The following TTC39B variants were observed in gnomAD, a reference collection of about 807,000 sequenced individuals.
TTC39B encodes tetratricopeptide repeat protein 39B.
TTC39B carries 92 observed loss-of-function variants against 96.6 expected under a neutral mutation model. The ratio of observed to expected loss-of-function variants is 0.95; its 90% CI spans 0.80 to 1.13. The LOEUF is 1.13. Among genes scored for constraint, TTC39B ranks in the 50% most tolerant of loss-of-function variants. The probability of loss-of-function intolerance (pLI) is 0.00; values close to 1 mark genes in which losing one functional copy is unlikely to be tolerated. For synonymous variants in TTC39B, 367 were observed against 299.4 expected, an observed-to-expected ratio of 1.23 and a Z score of -2.33; for missense variants, 955 against 809.3, an observed-to-expected ratio of 1.18 and a Z score of -2.18.
At chr9:15,257,600 C>T (rs1349557205) in intron 2 of TTC39B, among the ~76,000 whole-genome samples, 1 of 152,088 alleles carries the variant, frequency 6.6e-6, no homozygotes, top group African/African-American at 2.4e-5. Flanking sequence ...AGATGTGTCA[C>T]CACACCTGGC....
intron 4 of TTC39B, among the ~76,000 whole-genome samples, chr9:15,211,710 C>A (rs1002022474): frequency 1.9e-4 from 29 of 152,172 alleles, no homozygotes; most frequent in Non-Finnish European, 7.3e-5. Context: ...GGGCAGCACA[C>A]GGCCTTTGGC....
At chr9:15,290,098 A>C (rs529965734) in intron 1 of TTC39B, among the ~76,000 whole-genome samples, 3 of 152,160 alleles carry the variant, frequency 2.0e-5, no homozygotes, top group African/African-American at 7.2e-5. Flanking sequence ...TCTCCTGGTG[A>C]TTTTTAATTT....
chr9:15,177,805 C>G, exon 18 of TTC39B: 1 of 1,591,840 alleles, frequency 6.3e-7, no homozygotes, highest in Non-Finnish European at 8.5e-7. Context: ...CACAGAGAAG[C>G]TGTTAAAATC....
chr9:15,226,230 CA>C lies in TTC39B; in HGVS notation c.276-219del. On this transcript the variant is annotated intron_variant, in intron 2 of 19. Coordinates refer to ENST00000512701, the Ensembl canonical transcript of TTC39B. ...AACTTTATTTTTTCATTCTAGTACA[CA>C]AAAAATAAGTTAACTGAAATTACTC... is the stretch of plus-strand genomic sequence containing the variant. 2.0e-5 allele frequency among the ~76,000 whole-genome samples: 3 copies of C among 152,168 alleles called. No homozygotes were observed. In the South Asian group the frequency reaches 6.2e-4, roughly 32 times the overall value.
chr9:15,211,199 CATT>C (rs1820177075), intron 5 of TTC39B, 64 bp downstream of exon 5: 3 of 1,394,752 alleles, frequency 2.2e-6, no homozygotes, highest in Non-Finnish European at 2.8e-6. Flanking sequence ...AGGCAAATGA[CATT>C]ATTTTTGTCA....
At chr9:15,208,830 A>G (rs187144570) in intron 6 of TTC39B, among the ~76,000 whole-genome samples, 19 of 152,334 alleles carry the variant, frequency 1.2e-4, no homozygotes, top group Non-Finnish European at 2.5e-4. Flanking sequence ...CTAGCTTCAC[A>G]TCATGCAAAT....
intron 13 of TTC39B, 54 bp from the exon 14 acceptor site, chr9:15,188,186 A>G (rs1818646141): frequency 6.7e-7 from 1 of 1,502,164 alleles, no homozygotes; most frequent in African/African-American, 1.4e-5. Context: ...AGGAGATAAT[A>G]ACCTAATGGA....
In TTC39B at chr9:15,175,016, TA is replaced by T. The variant is rs1421613708; in HGVS notation, c.1958+2del. On this transcript the variant is annotated splice_donor_variant, in intron 19 of 19. Transcript: ENST00000512701. LOFTEE classifies it high-confidence loss of function. ...TCAAGGAAAAGCTGCCTTCAACACT[TA>T]CCTTGCAGTTTCTAGGAACTTTATG... 1 of 1,607,740 alleles carries T rather than the reference TA, an allele frequency of 6.2e-7. No individual in the cohort carries two copies. The highest frequency in any genetic ancestry group is 8.5e-7 in the Non-Finnish European group (1 of 1,174,434).
At chr9:15,224,583 T>C (rs1270628859) in intron 3 of TTC39B, 1 of 152,280 alleles carries the variant, frequency 6.6e-6, no homozygotes, top group East Asian at 1.9e-4. Flanking sequence ...ATGCAGCTTG[T>C]TGCTGCCTGT....
chr9:15,282,793 T>A (rs147879204), intron 1 of TTC39B, among the ~76,000 whole-genome samples: 1 of 152,236 alleles, frequency 6.6e-6, no homozygotes, highest in East Asian at 1.9e-4. Context: ...TCACAAAGCA[T>A]GTATAAGTGG....
At chr9:15,215,241 T>C (rs1820443657) in intron 3 of TTC39B, among the ~76,000 whole-genome samples, 3 of 151,474 alleles carry the variant, frequency 2.0e-5, no homozygotes, top group African/African-American at 7.3e-5. Flanking sequence ...ATAGAGACTT[T>C]GTCTCAAAAA....
At chr9:15,188,572 A>G (rs1213045879) in intron 13 of TTC39B, among the ~76,000 whole-genome samples, 1 of 152,238 alleles carries the variant, frequency 6.6e-6, no homozygotes, top group Non-Finnish European at 1.5e-5. Flanking sequence ...ACTCAACAGG[A>G]AACAGGCAAA....
At chr9:15,193,565 G>A (rs1019583607) in intron 8 of TTC39B, among the ~76,000 whole-genome samples, 3 of 152,172 alleles carry the variant, frequency 2.0e-5, no homozygotes, top group African/African-American at 7.2e-5. Flanking sequence ...TAAGGGTTTA[G>A]AGAGTCAATT....
intron 2 of TTC39B, among the ~76,000 whole-genome samples, chr9:15,255,363 C>T (rs113261688): frequency 0.056 from 8,410 of 151,508 alleles, 275 homozygotes; most frequent in South Asian, 0.078. Context: ...ATTCTCTGGT[C>T]GTAGAATAAT....
At chr9:15,170,143 C>CTAATAGA in exon 20 of TTC39B, 1 of 20,104 alleles carries the variant, frequency 5.0e-5, no homozygotes, top group Non-Finnish European at 8.5e-5. Context: ...TTTGTCTGTA[C>CTAATAGA]CTAAAGTTGT....
intron 6 of TTC39B, among the ~76,000 whole-genome samples, chr9:15,207,295 C>G (rs1819921063): frequency 6.6e-6 from 1 of 152,198 alleles, no homozygotes. Context: ...CCACCAGGCC[C>G]AGCCTACTTT....
At chr9:15,242,401 G>A (rs1822084431) in intron 2 of TTC39B, among the ~76,000 whole-genome samples, 1 of 152,110 alleles carries the variant, frequency 6.6e-6, no homozygotes, top group South Asian at 2.1e-4. Flanking sequence ...GGGCAACATA[G>A]GGAGACCCCA....
chr9:15,176,319 T>A (rs1468342275), intron 18 of TTC39B, among the ~76,000 whole-genome samples: 1 of 152,250 alleles, frequency 6.6e-6, no homozygotes, highest in South Asian at 2.1e-4. Flanking sequence ...ATCCTTTTGA[T>A]CATCCTTTTA....
chr9:15,243,481 C>T (rs1822136536), intron 2 of TTC39B, among the ~76,000 whole-genome samples: 1 of 152,214 alleles, frequency 6.6e-6, no homozygotes, highest in Non-Finnish European at 1.5e-5. Context: ...TAAGGCTCCA[C>T]TGGTCATCGC....
Sources: allele counts gnomAD v4.1 joint callset (sites outside exome capture counted in the v4.1 genomes callset), GRCh38; gene constraint gnomAD v4.1.1; transcripts MANE v1.5; gene names NCBI Gene and HGNC (gene_info 2026-07-23, HGNC 2026-07-21).